Variants in TRAPPC9 observed in about 807,000 individuals in gnomAD.
The protein encoded by TRAPPC9 is IKK2 binding protein.
In TRAPPC9, 83 loss-of-function variants were observed where a neutral mutation model predicts 124.0. The ratio of observed to expected loss-of-function variants is 0.67; its 90% CI spans 0.56 to 0.80. TRAPPC9 has a LOEUF of 0.80. Ranked by LOEUF, TRAPPC9 falls within the 30% of genes least tolerant of loss-of-function variation. The pLI is 0.00. For missense variants in TRAPPC9, 1,302 were observed against 1,508.3 expected, an observed-to-expected ratio of 0.86 and a Z score of 2.27; for synonymous variants, 638 against 617.5, an observed-to-expected ratio of 1.03 and a Z score of -0.49.
At chr8:139,761,684 G>A (rs1409412606) in intron 21 of TRAPPC9, among the ~76,000 whole-genome samples, 2 of 151,934 alleles carry the variant, frequency 1.3e-5, no homozygotes, top group African/African-American at 4.8e-5. Context: ...CCACTTCCTG[G>A]CTCCAGGTGC....
intron 2 of TRAPPC9, among the ~76,000 whole-genome samples, chr8:140,445,991 C>T (rs1357196397): frequency 2.0e-5 from 3 of 152,172 alleles, no homozygotes; most frequent in Non-Finnish European, 2.9e-5. Context: ...GGGACATTAG[C>T]GTCAACAAAT....
intron 18 of TRAPPC9, among the ~76,000 whole-genome samples, chr8:140,018,324 A>AT (rs1554608008): frequency 0.027 from 3,188 of 119,776 alleles, 375 homozygotes; most frequent in Non-Finnish European, 0.034. Flanking sequence ...AACGTAAGTG[A>AT]TTTTTTTTTT....
intron 9 of TRAPPC9, among the ~76,000 whole-genome samples, chr8:140,351,492 GGT>G (rs1350993459): frequency 6.6e-6 from 1 of 152,082 alleles, no homozygotes; most frequent in East Asian, 1.9e-4. Flanking sequence ...TAGGAGGCTG[GGT>G]GTGGTGGCTC....
At chr8:140,281,946 C>A (rs535153235) in intron 14 of TRAPPC9, among the ~76,000 whole-genome samples, 1 of 152,112 alleles carries the variant, frequency 6.6e-6, no homozygotes, top group East Asian at 1.9e-4. Flanking sequence ...GCACATGGGA[C>A]CTCCCGCATC....
At chr8:139,968,607 C>T (rs1835864728) in intron 19 of TRAPPC9, among the ~76,000 whole-genome samples, 1 of 152,210 alleles carries the variant, frequency 6.6e-6, no homozygotes, top group Admixed American at 6.5e-5. Flanking sequence ...TGTGGAGGGG[C>T]CTCTTCCCGT....
At chr8:140,152,056 G>T (rs186859867) in intron 17 of TRAPPC9, among the ~76,000 whole-genome samples, 1 of 152,146 alleles carries the variant, frequency 6.6e-6, no homozygotes, top group Admixed American at 6.5e-5. Context: ...CTATGACCTT[G>T]GGCTGGTTAT....
At chr8:140,287,491 A>G (rs1025207231) in intron 13 of TRAPPC9, 117 bp downstream of exon 13, 9 of 1,391,974 alleles carry the variant, frequency 6.5e-6, no homozygotes, top group South Asian at 2.3e-5. Context: ...CAAGGTCTTC[A>G]TTATCTTCTA....
intron 10 of TRAPPC9, among the ~76,000 whole-genome samples, chr8:140,304,320 C>T (rs1179332757): frequency 6.6e-6 from 1 of 152,168 alleles, no homozygotes; most frequent in Admixed American, 6.5e-5. Context: ...GTCTCGAACT[C>T]CTGACCTCCA....
At position 140,048,155 on chromosome 8, in the gene TRAPPC9, A is replaced by G. The variant is rs145631889; in HGVS notation, c.2557-24076T>C. Among the ~76,000 whole-genome samples the G allele has an allele frequency of 1.5e-3, 221 of 152,350 alleles. No individual in the cohort carries two copies. The Middle Eastern group carries it at 0.017, about 12-fold the overall frequency. On this transcript the variant is annotated intron_variant, in intron 17 of 22. Coordinates refer to ENST00000438773, the MANE Select transcript of TRAPPC9 (RefSeq NM_001160372.4). The stretch of plus-strand genomic sequence containing the variant: ...TTGTCCATGCCAGCTCTGCACTAAC[A>G]GCTGTGGGTCCCTGAGCATGCCTAT...
chr8:139,810,827 G>C (rs1314266802), intron 21 of TRAPPC9, among the ~76,000 whole-genome samples: 1 of 151,448 alleles, frequency 6.6e-6, no homozygotes. Flanking sequence ...GACCAGGCCA[G>C]AGGACAGACT....
chr8:140,408,153 T>A (rs2132445012), intron 5 of TRAPPC9, among the ~76,000 whole-genome samples: 1 of 152,246 alleles, frequency 6.6e-6, no homozygotes, highest in Admixed American at 6.5e-5. Context: ...TGAGATGTCA[T>A]CATGAACTAG....
Position 139,730,961 on chromosome 8 carries a change from A to G in TRAPPC9, c.*100T>C, listed in dbSNP as rs1464846775. 2 of 1,319,620 alleles carry G rather than the reference A, an allele frequency of 1.5e-6. No homozygotes were observed. Among genetic ancestry groups the G allele is most frequent in the Non-Finnish European group, 2.1e-6 (2 of 954,710 alleles). The allele number at this position is 1,319,620 out of a possible 1,614,324, so 81.7% of individuals were successfully genotyped here. ...GGGAGGGGTCTGGGGGAGGAGGAGG[A>G]GATGGGGCTGCAGTGAAGGCCTTGC... On this transcript the variant is annotated 3_prime_UTR_variant, in exon 23 of 23. Coordinates refer to ENST00000438773, the MANE Select transcript of TRAPPC9 (RefSeq NM_001160372.4).
intron 6 of TRAPPC9, among the ~76,000 whole-genome samples, chr8:140,402,120 G>A (rs141716006): frequency 4.4e-4 from 67 of 152,060 alleles, no homozygotes; most frequent in African/African-American, 1.3e-3. Context: ...TAATCGCAGC[G>A]TCTCAGGAGG....
chr8:139,769,109 C>T (rs955661172), intron 21 of TRAPPC9, among the ~76,000 whole-genome samples: 1 of 152,202 alleles, frequency 6.6e-6, no homozygotes. Flanking sequence ...GTCTGTAGTG[C>T]TTTGTTAGAA....
At chr8:140,153,827 G>C (rs781328901) in intron 17 of TRAPPC9, among the ~76,000 whole-genome samples, 1 of 152,158 alleles carries the variant, frequency 6.6e-6, no homozygotes, top group Non-Finnish European at 1.5e-5. Flanking sequence ...AGATTCTCCA[G>C]GATCTGCCCT....
intron 7 of TRAPPC9, among the ~76,000 whole-genome samples, chr8:140,388,386 A>C (rs1257770939): frequency 6.6e-6 from 1 of 151,842 alleles, no homozygotes; most frequent in East Asian, 1.9e-4. Flanking sequence ...AAAAAAAAAA[A>C]AGAAGGAATG....
At chr8:140,396,140 T>G (rs1180796955) in intron 7 of TRAPPC9, among the ~76,000 whole-genome samples, 21 of 41,780 alleles carry the variant, frequency 5.0e-4, no homozygotes, top group Non-Finnish European at 3.7e-5. Flanking sequence ...GACCTTGCCT[T>G]TTTTTTTTTT....
At chr8:140,270,403 C>A (rs964987802) in intron 15 of TRAPPC9, among the ~76,000 whole-genome samples, 2 of 152,178 alleles carry the variant, frequency 1.3e-5, no homozygotes, top group East Asian at 1.9e-4. Context: ...TCTCGAAATG[C>A]GGCTGATAGG....
At chr8:140,298,927 T>A (rs1158258944) in intron 11 of TRAPPC9, among the ~76,000 whole-genome samples, 1 of 152,256 alleles carries the variant, frequency 6.6e-6, no homozygotes, top group Non-Finnish European at 1.5e-5. Context: ...GACAGAATTC[T>A]GGGCTTCAGG....
Sources: gnomAD v4.1 joint callset for allele counts (sites outside exome capture counted in the v4.1 genomes callset) on GRCh38, gnomAD v4.1.1 for gene constraint, MANE v1.5 for transcripts, NCBI Gene and HGNC (gene_info 2026-07-23, HGNC 2026-07-21) for gene names.